The following BCKDHB variants were observed in gnomAD, a reference collection of about 807,000 sequenced individuals.
The protein encoded by BCKDHB is branched chain keto acid dehydrogenase E1 subunit beta, also known as 2-oxoisovalerate dehydrogenase subunit beta, mitochondrial.
BCKDHB carries 41 observed loss-of-function variants against 48.5 expected under a neutral mutation model. The ratio of observed to expected loss-of-function variants is 0.85; its 90% CI spans 0.66 to 1.10. The LOEUF is 1.10. Ranked by LOEUF, BCKDHB falls within the 50% of genes least tolerant of loss-of-function variation. The pLI, the probability that BCKDHB is intolerant of heterozygous loss-of-function variation, is 0.00. For synonymous variants in BCKDHB, 201 were observed against 174.8 expected (o/e 1.15, Z -1.18); for missense variants, 496 against 494.2 (o/e 1.00, Z -0.03).
At chr6:80,210,131 T>TAAAAA (rs1774849103) in intron 8 of BCKDHB, among the ~76,000 whole-genome samples, 1 of 32,220 alleles carries the variant, frequency 3.1e-5, no homozygotes, top group African/African-American at 1.5e-4. Flanking sequence ...TGTGAAGAAA[T>TAAAAA]ATACAAAAAA....
intron 1 of BCKDHB, among the ~76,000 whole-genome samples, chr6:80,117,259 T>C (rs1769753351): frequency 6.6e-6 from 1 of 152,226 alleles, no homozygotes; most frequent in Admixed American, 6.5e-5. Flanking sequence ...TACTGGTAAA[T>C]TATTTTATAC....
At chr6:80,455,860 A>C in the BCKDHB span, among the ~76,000 whole-genome samples, 175 of 152,252 alleles carry the variant, frequency 1.1e-3, no homozygotes, top group Non-Finnish European at 1.0e-3. Context: ...AAAGAAGACC[A>C]TTGACGTTGG....
intron 9 of BCKDHB, among the ~76,000 whole-genome samples, chr6:80,299,758 A>G (rs1322235787): frequency 6.6e-6 from 1 of 152,228 alleles, no homozygotes; most frequent in Non-Finnish European, 1.5e-5. Flanking sequence ...ACGAAAACAT[A>G]TAAGTATATA....
intron 3 of BCKDHB, among the ~76,000 whole-genome samples, chr6:80,161,451 G>T (rs1304605048): frequency 1.3e-5 from 2 of 152,010 alleles, no homozygotes; most frequent in Non-Finnish European, 2.9e-5. Flanking sequence ...AAAAAAAAAT[G>T]TGATTTCTAA....
chr6:80,249,859 A>G (rs1390876904), intron 8 of BCKDHB, among the ~76,000 whole-genome samples: 1 of 152,212 alleles, frequency 6.6e-6, no homozygotes, highest in Non-Finnish European at 1.5e-5. Context: ...TCCTCTTAAA[A>G]TAACTCAGAT....
the BCKDHB span, among the ~76,000 whole-genome samples, chr6:80,366,216 G>T: frequency 6.6e-6 from 1 of 152,194 alleles, no homozygotes; most frequent in Non-Finnish European, 1.5e-5. Flanking sequence ...GGGCCAGTTG[G>T]CTTCATGTTG....
chr6:80,198,420 A>T (rs1774231842), intron 6 of BCKDHB, among the ~76,000 whole-genome samples: 1 of 152,200 alleles, frequency 6.6e-6, no homozygotes, highest in Admixed American at 6.5e-5. Context: ...GATTTATCTA[A>T]AAAAGTAGTT....
intron 6 of BCKDHB, among the ~76,000 whole-genome samples, chr6:80,177,225 C>CAAAAAAAAAAAAAAAAA (rs575991853): frequency 2.3e-5 from 1 of 43,150 alleles, no homozygotes; most frequent in African/African-American, 9.6e-5. Flanking sequence ...GACCTTGTCT[C>CAAAAAAAAAAAAAAAAA]AAAAAAAAAA....
At chr6:80,452,311 T>G in the BCKDHB span, among the ~76,000 whole-genome samples, 2 of 152,218 alleles carry the variant, frequency 1.3e-5, no homozygotes, top group Non-Finnish European at 2.9e-5. Flanking sequence ...AATCAATGTT[T>G]TCTTACAGGG....
the BCKDHB span, among the ~76,000 whole-genome samples, chr6:80,439,924 A>AT: frequency 0.047 from 7,126 of 152,288 alleles, 540 homozygotes; most frequent in African/African-American, 0.16. Flanking sequence ...CTGGAAGATG[A>AT]TAAGACCAAC....
chr6:80,325,259 G>T (rs1768974858), intron 9 of BCKDHB, among the ~76,000 whole-genome samples: 1 of 151,730 alleles, frequency 6.6e-6, no homozygotes, highest in Non-Finnish European at 1.5e-5. Flanking sequence ...ATCCTTTTTT[G>T]AAAAAATCAT....
At chr6:80,141,244 C>A (rs941197792) in intron 3 of BCKDHB, among the ~76,000 whole-genome samples, 28 of 151,974 alleles carry the variant, frequency 1.8e-4, no homozygotes, top group African/African-American at 6.0e-4. Context: ...TTGATCCTTT[C>A]AAAAAACCAG....
intron 9 of BCKDHB, among the ~76,000 whole-genome samples, chr6:80,331,830 G>A (rs1437832511): frequency 6.6e-6 from 1 of 152,176 alleles, no homozygotes; most frequent in African/African-American, 2.4e-5. Flanking sequence ...AGTAACCAAA[G>A]TACCTACTGC....
the BCKDHB span, among the ~76,000 whole-genome samples, chr6:80,372,243 G>A: frequency 4.3e-4 from 65 of 152,072 alleles, no homozygotes; most frequent in Non-Finnish European, 7.5e-4. Flanking sequence ...AAGGTGTTGA[G>A]TTCTTGATTT....
intron 3 of BCKDHB, among the ~76,000 whole-genome samples, chr6:80,145,317 CA>C (rs1771427394): frequency 6.6e-6 from 1 of 152,188 alleles, no homozygotes; most frequent in African/African-American, 2.4e-5. Flanking sequence ...AGCATACACA[CA>C]AAAGCCTGTG....
chr6:80,130,522 T>C (rs1034835833), intron 3 of BCKDHB, among the ~76,000 whole-genome samples: 1 of 152,224 alleles, frequency 6.6e-6, no homozygotes, highest in African/African-American at 2.4e-5. Context: ...GTCCGTCTGC[T>C]TTCTCCTACT....
At chr6:80,427,333 C>A in the BCKDHB span, among the ~76,000 whole-genome samples, 2 of 152,048 alleles carry the variant, frequency 1.3e-5, no homozygotes, top group African/African-American at 4.8e-5. Context: ...TACTATAACA[C>A]TTTATATATA....
intron 6 of BCKDHB, among the ~76,000 whole-genome samples, chr6:80,193,904 A>G (rs549773119): frequency 1.3e-5 from 2 of 152,300 alleles, no homozygotes; most frequent in East Asian, 3.9e-4. Context: ...CTCAATATTC[A>G]GAACTCAGTT....
intron 9 of BCKDHB, among the ~76,000 whole-genome samples, chr6:80,312,664 T>G (rs1768229410): frequency 6.6e-6 from 1 of 152,190 alleles, no homozygotes; most frequent in Admixed American, 6.5e-5. Flanking sequence ...TATTGAAGGC[T>G]TTTTCTGAAT....
Sources: gnomAD v4.1 joint callset for allele counts (sites outside exome capture counted in the v4.1 genomes callset) on GRCh38, gnomAD v4.1.1 for gene constraint, MANE v1.5 for transcripts, NCBI Gene and HGNC (gene_info 2026-07-23, HGNC 2026-07-21) for gene names.